Variants in SLC47A2 observed in about 807,000 individuals in gnomAD.
SLC47A2 encodes the protein multidrug and toxin extrusion protein 2.
Under a neutral mutation model 67.7 loss-of-function variants are expected in SLC47A2, and 52 were observed. That is an observed-to-expected ratio of 0.77 (90% CI 0.61 to 0.97). SLC47A2 has a LOEUF of 0.97. Among genes scored for constraint, SLC47A2 ranks in the 50% least tolerant of loss-of-function variants. The pLI is 0.00. For missense variants in SLC47A2, 676 were observed against 712.3 expected (o/e 0.95, Z 0.58); for synonymous variants, 278 against 292.9 (o/e 0.95, Z 0.52).
chr17:19,712,618 A>G, intron 5 of SLC47A2, 85 bp downstream of exon 5: 1 of 1,428,456 alleles, frequency 7.0e-7, no homozygotes, highest in African/African-American at 1.4e-5. Flanking sequence ...CAGGATAGGG[A>G]TCTTCCGCAG....
intron 13 of SLC47A2, among the ~76,000 whole-genome samples, chr17:19,688,274 A>C (rs2085468737): frequency 6.6e-6 from 1 of 152,234 alleles, no homozygotes; most frequent in African/African-American, 2.4e-5. Flanking sequence ...ATATGATTTC[A>C]ATTGATGCTG....
chr17:19,708,018 C>T (rs910590342), intron 7 of SLC47A2, among the ~76,000 whole-genome samples, 175 bp from the exon 8 acceptor site: 3 of 152,222 alleles, frequency 2.0e-5, no homozygotes, highest in African/African-American at 7.2e-5. Context: ...CATGGTGGCT[C>T]TACCAAGGCA....
chr17:19,709,512 ATG>A (rs1310622852), intron 5 of SLC47A2, among the ~76,000 whole-genome samples: 3 of 152,086 alleles, frequency 2.0e-5, no homozygotes, highest in African/African-American at 7.2e-5. Flanking sequence ...CTCTTCTGAG[ATG>A]TGTGATCTTG....
chr17:19,704,286 T>C (rs1227737374), intron 10 of SLC47A2, 108 bp from the exon 11 acceptor site: 5 of 851,386 alleles, frequency 5.9e-6, no homozygotes, highest in African/African-American at 1.7e-5. Flanking sequence ...AGAGCAGATC[T>C]CAGGCATGCA....
intron 4 of SLC47A2, among the ~76,000 whole-genome samples, chr17:19,713,585 C>G (rs1339124780): frequency 6.6e-6 from 1 of 152,230 alleles, no homozygotes; most frequent in East Asian, 1.9e-4. Flanking sequence ...TGTTTCTTGC[C>G]TTGCCTTCTA....
chr17:19,681,566 C>T lies in SLC47A2; in HGVS notation c.1269G>A (p.Leu423=). 6.2e-7 allele frequency: 1 copy of T among 1,614,160 alleles called. No homozygotes were observed. Among genetic ancestry groups the T allele is most frequent in the Non-Finnish European group, 8.5e-7 (1 of 1,180,022 alleles). Residue 423 remains leucine (L), a synonymous_variant, in exon 14 of 17, where the codon CTG becomes CTA. Transcript: ENST00000433844. ...YIIGLPLGIL[L]TFVVRMRIMG... ...TGATTCTCATTCTGACCACAAAGGT[C>T]AGAAGGATGCCCAGTGGTAGGCCGA... is the stretch of plus-strand genomic sequence containing the variant.
chr17:19,712,847 CAG>C (rs1453345863), intron 4 of SLC47A2, 102 bp from the exon 5 acceptor site: 5 of 1,119,494 alleles, frequency 4.5e-6, no homozygotes, highest in Non-Finnish European at 5.3e-6. Context: ...GCCGCTGTCC[CAG>C]GGTCTCAGCC....
intron 13 of SLC47A2, among the ~76,000 whole-genome samples, chr17:19,698,431 C>A (rs548796236): frequency 4.6e-5 from 7 of 152,276 alleles, no homozygotes; most frequent in Admixed American, 2.0e-4. Flanking sequence ...TGGCTTACTG[C>A]AACCTCCACC....
intron 13 of SLC47A2, among the ~76,000 whole-genome samples, chr17:19,691,812 T>A (rs2152343421): frequency 6.6e-6 from 1 of 152,364 alleles, no homozygotes; most frequent in South Asian, 2.1e-4. Flanking sequence ...TTATCCTGAT[T>A]ATTAGGCATT....
chr17:19,714,435 G>A, intron 3 of SLC47A2: 1 of 529,206 alleles, frequency 1.9e-6, no homozygotes, highest in South Asian at 2.4e-5. Flanking sequence ...TTGAGGCTGG[G>A]GAACCGGTTG....
chr17:19,683,390 T>C (rs2085356726), intron 13 of SLC47A2, among the ~76,000 whole-genome samples: 1 of 152,092 alleles, frequency 6.6e-6, no homozygotes. Context: ...TGATTTAGAG[T>C]ATTGTGAATT....
chr17:19,688,970 G>C (rs528706271), intron 13 of SLC47A2, among the ~76,000 whole-genome samples: 1 of 151,932 alleles, frequency 6.6e-6, no homozygotes, highest in East Asian at 1.9e-4. Context: ...AGCTCAAGCA[G>C]TCCTCCCACC....
chr17:19,687,981 TA>T (rs539307371), intron 13 of SLC47A2, among the ~76,000 whole-genome samples: 141 of 152,274 alleles, frequency 9.3e-4, no homozygotes, highest in Middle Eastern at 3.4e-3. Flanking sequence ...ATACCAGTCC[TA>T]TTAAATCTGT....
chr17:19,716,309 C>T, intron 1 of SLC47A2, 124 bp downstream of exon 1: 2 of 1,401,316 alleles, frequency 1.4e-6, no homozygotes, highest in Non-Finnish European at 1.9e-6. Flanking sequence ...CTGGACCTGG[C>T]AGTCAACATG....
chr17:19,715,473 A>G (rs2086229688), intron 1 of SLC47A2, among the ~76,000 whole-genome samples: 1 of 151,964 alleles, frequency 6.6e-6, no homozygotes, highest in African/African-American at 2.4e-5. Context: ...TGGCGCCCTG[A>G]GCTTGACCCA....
In SLC47A2 at chr17:19,681,479, T is replaced by C; in HGVS notation, c.1298-18A>G. ...CCAGAGGCCTGGAGGAGACAAGTGA[T>C]GATGGGAACAATGTCCGACGACCAC... On this transcript the variant is annotated intron_variant, in intron 14 of 16. Coordinates refer to ENST00000433844, the MANE Select transcript of SLC47A2 (RefSeq NM_001099646.3). The C allele has an allele frequency of 6.2e-7, 1 of 1,614,026 alleles. No individual in the cohort carries two copies. Among genetic ancestry groups the C allele is most frequent in the Non-Finnish European group, 8.5e-7 (1 of 1,180,002 alleles).
upstream of SLC47A2, chr17:19,716,629 T>G (rs2086277186): frequency 6.7e-7 from 1 of 1,482,118 alleles, no homozygotes; most frequent in South Asian, 1.4e-5. Flanking sequence ...AGCCACCCCC[T>G]GCCTGGGCAG....
intron 13 of SLC47A2, chr17:19,702,274 T>C (rs2085805216): frequency 2.0e-6 from 2 of 985,162 alleles, no homozygotes; most frequent in African/African-American, 3.5e-5. Context: ...ATTCAGCTCC[T>C]GGCCAGCCTG....
intron 13 of SLC47A2, among the ~76,000 whole-genome samples, chr17:19,688,098 G>T (rs1431508290): frequency 6.6e-6 from 1 of 151,960 alleles, no homozygotes; most frequent in Non-Finnish European, 1.5e-5. Context: ...GAAAACTACA[G>T]ACCAGTATCC....
Sources: gnomAD v4.1 joint callset for allele counts (sites outside exome capture counted in the v4.1 genomes callset) on GRCh38, gnomAD v4.1.1 for gene constraint, MANE v1.5 for transcripts, NCBI Gene and HGNC (gene_info 2026-07-23, HGNC 2026-07-21) for gene names.